The following PDE10A variants were observed in gnomAD, a reference collection of about 807,000 sequenced individuals.
The protein encoded by PDE10A is cAMP and cAMP-inhibited cGMP 3',5'-cyclic phosphodiesterase 10A.
In PDE10A, 39 loss-of-function variants were observed where a neutral mutation model predicts 97.7. The ratio of observed to expected loss-of-function variants is 0.40; its 90% CI spans 0.31 to 0.52. The LOEUF (loss-of-function observed/expected upper bound fraction) is 0.52, where lower values mean the gene tolerates loss of function less well. Among genes scored for constraint, PDE10A ranks in the 20% least tolerant of loss-of-function variants. The pLI is 0.56. For synonymous variants in PDE10A, 371 were observed against 376.8 expected, an observed-to-expected ratio of 0.98 and a Z score of 0.18; for missense variants, 731 against 1,047.8, an observed-to-expected ratio of 0.70 and a Z score of 4.17.
intron 1 of PDE10A, among the ~76,000 whole-genome samples, chr6:165,815,327 A>G (rs1470127898): frequency 2.0e-5 from 3 of 152,216 alleles, no homozygotes; most frequent in Non-Finnish European, 4.4e-5. Flanking sequence ...CTGGGTTTTG[A>G]AATATTGTCA....
chr6:165,495,323 AAG>A (rs1780472474), intron 2 of PDE10A, among the ~76,000 whole-genome samples: 1 of 151,914 alleles, frequency 6.6e-6, no homozygotes, highest in African/African-American at 2.4e-5. Flanking sequence ...CAGGAGGGGA[AAG>A]AGAGAGAAGG....
chr6:165,755,597 C>G (rs1285297187), intron 1 of PDE10A, among the ~76,000 whole-genome samples: 1 of 152,112 alleles, frequency 6.6e-6, no homozygotes, highest in Non-Finnish European at 1.5e-5. Flanking sequence ...AATGGCTGAT[C>G]AACAGTGATT....
At chr6:165,406,260 G>GTGTGTGTGTGTGTGTGTGTGTGTT (rs1562431563) in intron 13 of PDE10A, among the ~76,000 whole-genome samples, 16 of 150,152 alleles carry the variant, frequency 1.1e-4, no homozygotes, top group African/African-American at 3.9e-4. Context: ...GTGTGTGTGT[G>GTGTGTGTGTGTGTGTGTGTGTGTT]TTTCTGTGTG....
intron 18 of PDE10A, among the ~76,000 whole-genome samples, chr6:165,355,002 G>C (rs763714227): frequency 6.6e-6 from 1 of 152,068 alleles, no homozygotes; most frequent in African/African-American, 2.4e-5. Flanking sequence ...TTATAATGTA[G>C]AATTCTGTGG....
At chr6:165,719,670 G>C (rs61467099) in intron 1 of PDE10A, among the ~76,000 whole-genome samples, 1,592 of 152,300 alleles carry the variant, frequency 0.01, 31 homozygotes, top group African/African-American at 0.037. Context: ...GGCAGACGCT[G>C]CAGGTGAAAG....
At chr6:165,647,770 A>C (rs2128423600) in intron 1 of PDE10A, among the ~76,000 whole-genome samples, 1 of 152,264 alleles carries the variant, frequency 6.6e-6, no homozygotes, top group Non-Finnish European at 1.5e-5. Flanking sequence ...ACTTGCAGAG[A>C]CTGCCTTTTC....
At chr6:165,861,630 T>C (rs1316177204) in intron 1 of PDE10A, among the ~76,000 whole-genome samples, 1 of 151,634 alleles carries the variant, frequency 6.6e-6, no homozygotes, top group Non-Finnish European at 1.5e-5. Flanking sequence ...GGAGGACAGA[T>C]GGGAGTTCGC....
At chr6:165,784,461 CAA>C (rs1355718228) in intron 1 of PDE10A, among the ~76,000 whole-genome samples, 1 of 152,060 alleles carries the variant, frequency 6.6e-6, no homozygotes, top group Admixed American at 6.5e-5. Context: ...TGTTACATTT[CAA>C]AACTTGAATA....
chr6:165,432,192 T>C (rs528891495), intron 7 of PDE10A, among the ~76,000 whole-genome samples: 1 of 152,240 alleles, frequency 6.6e-6, no homozygotes, highest in African/African-American at 2.4e-5. Flanking sequence ...GCATATAATA[T>C]ATTAGATAGT....
chr6:165,707,626 GTGT>G (rs1318014662), intron 1 of PDE10A, among the ~76,000 whole-genome samples: 1 of 151,816 alleles, frequency 6.6e-6, no homozygotes, highest in African/African-American at 2.4e-5. Flanking sequence ...GTGTGAGCAT[GTGT>G]TGTGTGTGTG....
chr6:165,350,024 T>C (rs971600261), intron 18 of PDE10A, among the ~76,000 whole-genome samples: 3 of 152,192 alleles, frequency 2.0e-5, no homozygotes, highest in African/African-American at 7.2e-5. Context: ...AAGGGAAATG[T>C]GGAGTCAGAG....
intron 1 of PDE10A, among the ~76,000 whole-genome samples, chr6:165,575,181 C>CT (rs1785240860): frequency 6.6e-6 from 1 of 152,204 alleles, no homozygotes. Flanking sequence ...GAATTCTTTG[C>CT]TTAGTCCCAC....
intron 2 of PDE10A, among the ~76,000 whole-genome samples, chr6:165,519,150 G>A (rs1370749186): frequency 1.3e-5 from 2 of 152,142 alleles, no homozygotes; most frequent in East Asian, 3.9e-4. Flanking sequence ...CTAGAATAGG[G>A]AACAAGTATT....
At chr6:165,445,372 A>G in intron 5 of PDE10A, among the ~76,000 whole-genome samples, 1 of 152,218 alleles carries the variant, frequency 6.6e-6, no homozygotes, top group East Asian at 1.9e-4. Flanking sequence ...GAACTGTGGG[A>G]GGTAACCAGA....
chr6:165,807,861 G>C (rs545355379), intron 1 of PDE10A, among the ~76,000 whole-genome samples: 3 of 152,296 alleles, frequency 2.0e-5, no homozygotes, highest in South Asian at 2.1e-4. Flanking sequence ...CCTTGTGCCT[G>C]TTTCCATATG....
At chr6:165,892,537 T>C (rs1447352838) in intron 1 of PDE10A, among the ~76,000 whole-genome samples, 3 of 152,164 alleles carry the variant, frequency 2.0e-5, no homozygotes, top group African/African-American at 7.2e-5. Context: ...GCTGGAGGTA[T>C]GGCAGCCTCC....
At chr6:165,814,862 G>C (rs1041874551) in intron 1 of PDE10A, among the ~76,000 whole-genome samples, 3 of 151,814 alleles carry the variant, frequency 2.0e-5, no homozygotes, top group Non-Finnish European at 4.4e-5. Context: ...CGTCAGTTCC[G>C]TTCCTCTGCT....
chr6:165,569,321 C>G (rs2128343300), intron 1 of PDE10A, among the ~76,000 whole-genome samples: 2 of 152,260 alleles, frequency 1.3e-5, no homozygotes, highest in South Asian at 4.1e-4. Flanking sequence ...ACAGTGGAAA[C>G]AGCCCATGTA....
At position 165,330,658 on chromosome 6, in the gene PDE10A, T is replaced by G. The variant is rs1037220179; in HGVS notation, c.*2367A>C. The G allele has an allele frequency of 2.6e-5, 4 of 152,188 alleles. No individual in the cohort carries two copies. Among genetic ancestry groups the G allele is most frequent in the African/African-American group, 9.6e-5 (4 of 41,456 alleles). The allele number at this position is 152,188 out of a possible 1,614,324, so 9.4% of individuals were successfully genotyped here. A position where few individuals can be genotyped will look rare whatever the true frequency, so the allele number is the denominator to read the frequency against. ...CTAAATAGAGATTACATAATACACTTGACTATAATAAATTAAGAGAATTTT... is the reference window on the plus strand; with the variant it reads ...CTAAATAGAGATTACATAATACACTGGACTATAATAAATTAAGAGAATTTT... On this transcript the variant is annotated 3_prime_UTR_variant, in exon 22 of 22. Transcript: ENST00000539869.
Sources: allele counts gnomAD v4.1 joint callset (sites outside exome capture counted in the v4.1 genomes callset), GRCh38; gene constraint gnomAD v4.1.1; transcripts MANE v1.5; gene names NCBI Gene and HGNC (gene_info 2026-07-23, HGNC 2026-07-21).